SLC8A1: variants seen among roughly 807,000 people sequenced by gnomAD.
The protein encoded by SLC8A1 is solute carrier family 8 member A1, also known as sodium/calcium exchanger 1.
Under a neutral mutation model 68.3 loss-of-function variants are expected in SLC8A1, and 18 were observed. The ratio of observed to expected loss-of-function variants is 0.26; its 90% CI spans 0.18 to 0.39. The LOEUF (loss-of-function observed/expected upper bound fraction) is 0.39. SLC8A1 is among the 10% of genes least tolerant of loss of function. The pLI, the probability that SLC8A1 is intolerant of heterozygous loss-of-function variation, is 1.00. For missense variants in SLC8A1, 985 were observed against 1,156.7 expected, an observed-to-expected ratio of 0.85 and a Z score of 2.15; for synonymous variants, 475 against 415.5, an observed-to-expected ratio of 1.14 and a Z score of -1.74.
chr2:40,255,187 T>G (rs750591388), intron 2 of SLC8A1: 2 of 152,208 alleles, frequency 1.3e-5, no homozygotes, highest in African/African-American at 4.8e-5. Context: ...AACAAGGAAT[T>G]TGAAATAAAC....
intron 1 of SLC8A1, among the ~76,000 whole-genome samples, chr2:40,476,621 G>A (rs1410851976): frequency 1.3e-5 from 2 of 152,140 alleles, no homozygotes; most frequent in African/African-American, 4.8e-5. Context: ...CAGAGGTCAT[G>A]GAAAATAGTA....
chr2:40,306,791 A>G (rs2072703259), intron 2 of SLC8A1, among the ~76,000 whole-genome samples: 1 of 152,302 alleles, frequency 6.6e-6, no homozygotes, highest in East Asian at 1.9e-4. Flanking sequence ...TGGCCAGGTG[A>G]AGTAACATTT....
At chr2:40,349,166 C>A (rs905428922) in intron 2 of SLC8A1, among the ~76,000 whole-genome samples, 2 of 152,076 alleles carry the variant, frequency 1.3e-5, no homozygotes, top group African/African-American at 2.4e-5. Flanking sequence ...AAAACAGACA[C>A]AATTTGAGCA....
chr2:40,465,260 C>T (rs1187197251), intron 1 of SLC8A1, among the ~76,000 whole-genome samples: 2 of 152,058 alleles, frequency 1.3e-5, no homozygotes, highest in Non-Finnish European at 2.9e-5. Flanking sequence ...TCCTTCATGC[C>T]TTATAGCTTT....
intron 2 of SLC8A1, among the ~76,000 whole-genome samples, chr2:40,371,166 C>A (rs1677912210): frequency 6.6e-6 from 1 of 152,024 alleles, no homozygotes; most frequent in Non-Finnish European, 1.5e-5. Flanking sequence ...TGGAATGATC[C>A]CTGTGTGCAT....
At position 40,345,266 on chromosome 2, in the gene SLC8A1, C is replaced by G. The variant is rs535587949; in HGVS notation, c.1808+83207G>C. 6.6e-5 allele frequency among the ~76,000 whole-genome samples: 10 copies of G among 152,250 alleles called. No homozygotes were observed. In the South Asian group the frequency reaches 2.1e-3, roughly 32 times the overall value. ...GCCCTGCTGCTCCTCTCACTACACT[C>G]CTACCTCATCAATAACAACATCTGT... is the stretch of plus-strand genomic sequence containing the variant. On this transcript the variant is annotated intron_variant, in intron 2 of 7. Coordinates refer to ENST00000406785, the Ensembl canonical transcript of SLC8A1.
chr2:40,222,780 C>G (rs1488728753), intron 2 of SLC8A1, among the ~76,000 whole-genome samples: 1 of 152,324 alleles, frequency 6.6e-6, no homozygotes, highest in African/African-American at 2.4e-5. Context: ...CTCATCATCA[C>G]TTGTCATTAG....
chr2:40,457,709 A>C (rs1010833821), intron 1 of SLC8A1, among the ~76,000 whole-genome samples: 2 of 152,224 alleles, frequency 1.3e-5, no homozygotes, highest in Non-Finnish European at 2.9e-5. Flanking sequence ...CCATTCTTTT[A>C]AAAGTATTAT....
chr2:40,313,355 T>C (rs529691362), intron 2 of SLC8A1, among the ~76,000 whole-genome samples: 2 of 152,236 alleles, frequency 1.3e-5, no homozygotes, highest in South Asian at 4.1e-4. Context: ...TGCTAATAGA[T>C]ATCTAGGTTG....
chr2:40,275,212 A>C (rs1014896651), intron 2 of SLC8A1, among the ~76,000 whole-genome samples: 3 of 152,210 alleles, frequency 2.0e-5, no homozygotes, highest in Non-Finnish European at 4.4e-5. Flanking sequence ...ATGACTGAGT[A>C]ATCTGTATAT....
At chr2:40,418,839 GGAGA>G (rs928407608) in intron 2 of SLC8A1, among the ~76,000 whole-genome samples, 6 of 152,286 alleles carry the variant, frequency 3.9e-5, no homozygotes, top group Admixed American at 1.3e-4. Flanking sequence ...GGACAGGAGA[GGAGA>G]GAGAGCCCTG....
chr2:40,287,989 T>G (rs1053960052), intron 2 of SLC8A1, among the ~76,000 whole-genome samples: 1 of 152,138 alleles, frequency 6.6e-6, no homozygotes, highest in Non-Finnish European at 1.5e-5. Context: ...TAAATTTTAG[T>G]GTGAAAGCAG....
At chr2:40,129,865 C>T (rs2038963653) in intron 7 of SLC8A1, among the ~76,000 whole-genome samples, 1 of 152,176 alleles carries the variant, frequency 6.6e-6, no homozygotes, top group African/African-American at 2.4e-5. Context: ...TCTTCTCTTA[C>T]ACTGTGACTT....
chr2:40,245,203 C>T (rs182994390), intron 2 of SLC8A1, among the ~76,000 whole-genome samples: 1 of 115,202 alleles, frequency 8.7e-6, no homozygotes, highest in Admixed American at 1.0e-4. Flanking sequence ...ATAGGAGAAA[C>T]TTGGGATTCT....
chr2:40,216,013 T>C (rs955979461), intron 2 of SLC8A1, among the ~76,000 whole-genome samples: 3 of 9,988 alleles, frequency 3.0e-4, no homozygotes, highest in African/African-American at 1.1e-3. Flanking sequence ...CAGTGTATGC[T>C]TTTTTTTTTT....
At chr2:40,259,857 A>C (rs1459757268) in intron 2 of SLC8A1, among the ~76,000 whole-genome samples, 1 of 152,114 alleles carries the variant, frequency 6.6e-6, no homozygotes, top group East Asian at 1.9e-4. Flanking sequence ...TGTATCTTCT[A>C]TTAGTTTCTG....
At chr2:40,325,678 A>C (rs973411321) in intron 2 of SLC8A1, among the ~76,000 whole-genome samples, 16 of 150,454 alleles carry the variant, frequency 1.1e-4, no homozygotes, top group African/African-American at 3.7e-4. Context: ...GCACGCCTGT[A>C]ATCTCAGCAC....
intron 1 of SLC8A1, among the ~76,000 whole-genome samples, chr2:40,463,464 A>G (rs1156400295): frequency 6.6e-6 from 1 of 152,238 alleles, no homozygotes; most frequent in African/African-American, 2.4e-5. Flanking sequence ...TAGTTCCACT[A>G]TAGAACAATT....
Position 40,504,414 on chromosome 2 carries a change from C to G in SLC8A1, c.-25+7935G>C, listed in dbSNP as rs142073274. ...TTGGTCTGGGCAAAGATTTCTTGAG[C>G]AATACCCCACAAGCACAGGCAACCA... On this transcript the variant is annotated intron_variant, in intron 1 of 7. Coordinates refer to the SLC8A1 transcript ENST00000402441. Among the ~76,000 whole-genome samples, 88 of 152,008 alleles carry G rather than the reference C, an allele frequency of 5.8e-4. No individual in the cohort carries two copies. In the East Asian group the frequency reaches 0.014, roughly 25 times the overall value.
Sources: allele counts gnomAD v4.1 joint callset (sites outside exome capture counted in the v4.1 genomes callset), GRCh38; gene constraint gnomAD v4.1.1; transcripts MANE v1.5; gene names NCBI Gene and HGNC (gene_info 2026-07-23, HGNC 2026-07-21).